Variants in PTPRS observed in about 807,000 individuals in gnomAD.
The protein encoded by PTPRS is protein tyrosine phosphatase receptor type S.
PTPRS carries 63 observed loss-of-function variants against 215.3 expected under a neutral mutation model. The observed-to-expected ratio is 0.29, with a 90% CI of 0.24 to 0.36. The LOEUF (loss-of-function observed/expected upper bound fraction) is 0.36. Ranked by LOEUF, PTPRS falls within the 10% of genes least tolerant of loss-of-function variation. The pLI is 1.00. For missense variants in PTPRS, 2,258 were observed against 2,825.8 expected (o/e 0.80, Z 4.56); for synonymous variants, 1,404 against 1,191.4 (o/e 1.18, Z -3.68).
chr19:5,293,201 C>T lies in PTPRS; in HGVS notation c.-94-6967G>A, dbSNP rs1467456821. ...GCCTCCACAGGGCCCGCCGCAGCCG[C>T]TCCCCGCGTCCCTCGGTCCGCCCGG... is the stretch of plus-strand genomic sequence containing the variant. On this transcript the variant is annotated intron_variant, in intron 1 of 37. Coordinates refer to ENST00000262963, the MANE Select transcript of PTPRS (RefSeq NM_002850.4). The surrounding 1 kb of genome is among the most constrained non-coding windows in gnomAD (Gnocchi z 8.4). 6.6e-6 allele frequency: 1 copy of T among 151,650 alleles called. No individual in the cohort carries two copies. Among genetic ancestry groups the T allele is most frequent in the Admixed American group, 6.6e-5 (1 of 15,256 alleles). The allele number at this position is 151,650 out of a possible 1,614,324, so 9.4% of individuals were successfully genotyped here.
chr19:5,218,838 AAG>A, intron 23 of PTPRS, 40 bp from the exon 24 acceptor site: 1 of 1,573,242 alleles, frequency 6.4e-7, no homozygotes, highest in Non-Finnish European at 8.6e-7. Flanking sequence ...GGGGGAAAAA[AAG>A]AAGAAAGGTG....
At chr19:5,284,061 T>A (rs909341718) in intron 2 of PTPRS, among the ~76,000 whole-genome samples, 16 of 150,934 alleles carry the variant, frequency 1.1e-4, no homozygotes, top group Non-Finnish European at 2.9e-5. Context: ...ACAAGAAATT[T>A]AAAAAATTAG....
chr19:5,233,780 C>A (rs2043201610), intron 13 of PTPRS, among the ~76,000 whole-genome samples: 1 of 151,098 alleles, frequency 6.6e-6, no homozygotes, highest in African/African-American at 2.4e-5. Context: ...TCCGTCTCTA[C>A]TACAAGATAC....
chr19:5,320,478 G>A (rs538364594), intron 1 of PTPRS, among the ~76,000 whole-genome samples: 3 of 152,262 alleles, frequency 2.0e-5, no homozygotes, highest in African/African-American at 7.2e-5. Flanking sequence ...CCCCCAGGCT[G>A]GAGTGCAGTG....
In PTPRS at chr19:5,244,259, G is replaced by T. The variant is rs761321191; in HGVS notation, c.1212C>A (p.Ala404=). The stretch of plus-strand genomic sequence containing the variant: ...GGGGCCCCTGGCCGATGGAGTTGAC[G>T]GCCGACACCCAGATCTCGTACTCCG... ...PNSEYEIWVS[A]VNSIGQGPPS... Residue 404 remains alanine, a synonymous_variant, in exon 11 of 38, where the codon GCC becomes GCA. Coordinates refer to ENST00000262963, the MANE Select transcript of PTPRS (RefSeq NM_002850.4). The surrounding 1 kb of genome is among the most constrained non-coding windows in gnomAD (Gnocchi z 7.2). 1 of 1,613,970 alleles carries T rather than the reference G, an allele frequency of 6.2e-7. No homozygotes were observed. Among genetic ancestry groups the T allele is most frequent in the Non-Finnish European group, 8.5e-7 (1 of 1,179,856 alleles).
chr19:5,279,197 A>G (rs920152748), intron 2 of PTPRS, among the ~76,000 whole-genome samples: 3 of 152,060 alleles, frequency 2.0e-5, no homozygotes, highest in East Asian at 3.9e-4. Context: ...AAAAAAAAAG[A>G]AAAAAGGAAA....
At chr19:5,291,658 G>A (rs368093845) in intron 1 of PTPRS, among the ~76,000 whole-genome samples, 24 of 151,996 alleles carry the variant, frequency 1.6e-4, no homozygotes, top group African/African-American at 3.4e-4. Flanking sequence ...GAGCCTCTTC[G>A]CATGCAGGTC....
chr19:5,211,459 A>G (rs1361010467), intron 33 of PTPRS, 131 bp downstream of exon 33: 1 of 850,356 alleles, frequency 1.2e-6, no homozygotes, highest in African/African-American at 1.7e-5. Context: ...ATATACATCT[A>G]AAGATGTGTA....
At chr19:5,274,445 G>T (rs2047184803) in intron 2 of PTPRS, 101 bp from the exon 3 acceptor site, 8 of 1,331,558 alleles carry the variant, frequency 6.0e-6, no homozygotes, top group Non-Finnish European at 8.1e-6. Context: ...CCTGCCCACG[G>T]AAGTGCCATG....
intron 1 of PTPRS, among the ~76,000 whole-genome samples, chr19:5,326,298 A>C (rs974912818): frequency 1.3e-5 from 2 of 152,122 alleles, no homozygotes; most frequent in Non-Finnish European, 2.9e-5. Context: ...TAAGGCTAAA[A>C]GCCTCAGGTG....
chr19:5,283,035 C>A (rs973038123), intron 2 of PTPRS, among the ~76,000 whole-genome samples: 1 of 152,194 alleles, frequency 6.6e-6, no homozygotes, highest in African/African-American at 2.4e-5. Flanking sequence ...GAACCCAGCC[C>A]TCTCTGGAGG....
chr19:5,322,643 G>A (rs2050056794), intron 1 of PTPRS, among the ~76,000 whole-genome samples: 1 of 152,174 alleles, frequency 6.6e-6, no homozygotes, highest in African/African-American at 2.4e-5. Context: ...ACTTTAGGAG[G>A]CTGAGGCGGG....
chr19:5,214,279 C>T (rs994916015), intron 30 of PTPRS, 82 bp downstream of exon 30: 3 of 1,589,622 alleles, frequency 1.9e-6, no homozygotes, highest in East Asian at 4.5e-5. Context: ...ATGGGGAGCT[C>T]CCTGGGTAGA....
At chr19:5,305,939 CAAAAAAAAAAAAAAA>C (rs35165317) in intron 1 of PTPRS, among the ~76,000 whole-genome samples, 6 of 22,644 alleles carry the variant, frequency 2.6e-4, no homozygotes, top group African/African-American at 6.6e-4. Flanking sequence ...GACTCCGTCT[CAAAAAAAAAAAAAAA>C]AAAAAAAAAA....
In PTPRS at chr19:5,206,763, GA is replaced by G. The variant is rs112899467; in HGVS notation, c.*10del. ...GGGCCAGTGGTGTCGGGCCTGGGGG[GA>G]ACCATGGCTTTAGGTTGCATAGTGG... On this transcript the variant is annotated 3_prime_UTR_variant, in exon 38 of 38. Coordinates refer to ENST00000262963, the MANE Select transcript of PTPRS (RefSeq NM_002850.4). The G allele has an allele frequency of 7.9e-5, 128 of 1,611,186 alleles. 1 individual carries two copies. In the East Asian group the frequency reaches 1.3e-3, roughly 16 times the overall value.
Position 5,295,875 on chromosome 19 carries a change from C to A in PTPRS, c.-94-9641G>T, listed in dbSNP as rs2049119318. ...GCTCAAGTGATCCTCCCACCTCAGC[C>A]TCCTGAGTAGCTTGGACTACAGGCA... On this transcript the variant is annotated intron_variant, in intron 1 of 37. Coordinates refer to ENST00000262963, the MANE Select transcript of PTPRS (RefSeq NM_002850.4). The surrounding 1 kb of genome is among the most constrained non-coding windows in gnomAD (Gnocchi z 4.6). Among the ~76,000 whole-genome samples the A allele has an allele frequency of 6.6e-6, 1 of 152,190 alleles. No homozygotes were observed. Among genetic ancestry groups the A allele is most frequent in the African/African-American group, 2.4e-5 (1 of 41,450 alleles).
In PTPRS at chr19:5,339,847, C is replaced by A. The variant is rs531263303; in HGVS notation, c.-95+817G>T. Among the ~76,000 whole-genome samples the A allele has an allele frequency of 5.6e-4, 85 of 151,938 alleles. No individual in the cohort carries two copies. Among genetic ancestry groups the A allele is most frequent in the African/African-American group, 2.0e-3 (83 of 41,502 alleles). Reference sequence around the variant, plus strand: ...GCGGCTTCCCCACTCTCGGGATCCCCACGGGGCCCCCAGCGCGGAGGGGAG... The same window carrying A: ...GCGGCTTCCCCACTCTCGGGATCCCAACGGGGCCCCCAGCGCGGAGGGGAG... On this transcript the variant is annotated intron_variant, in intron 1 of 37. Coordinates refer to ENST00000262963, the MANE Select transcript of PTPRS (RefSeq NM_002850.4). The surrounding 1 kb of genome is among the most constrained non-coding windows in gnomAD (Gnocchi z 4.2).
chr19:5,310,284 T>C (rs181262081), intron 1 of PTPRS, among the ~76,000 whole-genome samples: 1 of 151,878 alleles, frequency 6.6e-6, no homozygotes, highest in Admixed American at 6.6e-5. Context: ...AGCCCCTCCC[T>C]GCCACCAACC....
At chr19:5,315,523 T>G (rs1213561960) in intron 1 of PTPRS, among the ~76,000 whole-genome samples, 1 of 145,782 alleles carries the variant, frequency 6.9e-6, no homozygotes, top group Non-Finnish European at 1.5e-5. Flanking sequence ...ACCATCATAC[T>G]TGGCTAATTT....
Sources: gnomAD v4.1 joint callset for allele counts (sites outside exome capture counted in the v4.1 genomes callset) on GRCh38, gnomAD v4.1.1 for gene constraint, Gnocchi (gnomAD v3.1) non-coding constraint, MANE v1.5 for transcripts, NCBI Gene and HGNC (gene_info 2026-07-23, HGNC 2026-07-21) for gene names.